The following BMX variants were observed in gnomAD, a reference collection of about 807,000 sequenced individuals.
BMX encodes the protein BMX non-receptor tyrosine kinase, also known as cytoplasmic tyrosine-protein kinase BMX.
Under a neutral mutation model 59.2 loss-of-function variants are expected in BMX, and 31 were observed. The ratio of observed to expected loss-of-function variants is 0.52; its 90% CI spans 0.39 to 0.71. The LOEUF is 0.71. Among genes scored for constraint, BMX ranks in the 30% least tolerant of loss-of-function variants. The pLI, the probability that BMX is intolerant of heterozygous loss-of-function variation, is 0.00. For synonymous variants in BMX, 185 were observed against 181.0 expected (o/e 1.02, Z -0.18); for missense variants, 474 against 491.7 (o/e 0.96, Z 0.34).
chrX:15,549,025 T>C (rs967092386), intron 17 of BMX, among the ~76,000 whole-genome samples: 5 of 111,338 alleles, frequency 4.5e-5, no homozygotes, highest in African/African-American at 1.6e-4. Flanking sequence ...CCCCATTTTA[T>C]AGACGGAGAA....
intron 1 of BMX, among the ~76,000 whole-genome samples, chrX:15,504,962 G>A (rs1923688533): frequency 8.9e-6 from 1 of 112,090 alleles, no homozygotes; most frequent in Admixed American, 9.5e-5. Context: ...TACTATAAAA[G>A]GTTTTTTGTT....
chrX:15,540,358 A>G lies in BMX; in HGVS notation c.1395-1624A>G, dbSNP rs887803894. 4.6e-5 allele frequency among the ~76,000 whole-genome samples: 5 copies of G among 108,458 alleles called. No homozygotes were observed. In the East Asian group the frequency reaches 1.5e-3, roughly 32 times the overall value. 94.2% of individuals were successfully genotyped at this position (108,458 alleles called of 115,157 possible). Reference sequence around the variant, plus strand: ...AGAAAACCGAACACCGCATGTTCTCACTCATAAGTGGAAGTTGAACAATGA... The same window carrying G: ...AGAAAACCGAACACCGCATGTTCTCGCTCATAAGTGGAAGTTGAACAATGA... On this transcript the variant is annotated intron_variant, in intron 14 of 18. Transcript: ENST00000348343.
intron 4 of BMX, among the ~76,000 whole-genome samples, chrX:15,513,106 T>G (rs1263009395): frequency 8.9e-6 from 1 of 112,541 alleles, no homozygotes; most frequent in Non-Finnish European, 1.9e-5. Flanking sequence ...TGTTTTGGGC[T>G]GCAGGTAAAA....
rs188971354 is a variant in BMX, at chrX:15,524,476, A to G, written c.753-812A>G. Among the ~76,000 whole-genome samples the G allele has an allele frequency of 3.9e-3, 436 of 112,566 alleles. 1 individual carries two copies. Among genetic ancestry groups the G allele is most frequent in the African/African-American group, 0.013 (413 of 31,017 alleles). ...GTCTGTAAGTACCAGTTGTATAGAT[A>G]CTAGGTAAACCTAAGTGATGCACTA... is the stretch of plus-strand genomic sequence containing the variant. On this transcript the variant is annotated intron_variant, in intron 7 of 18. Coordinates refer to ENST00000348343, the MANE Select transcript of BMX (RefSeq NM_203281.3).
At chrX:15,552,707 G>A (rs181359188) in intron 18 of BMX, among the ~76,000 whole-genome samples, 40 of 112,300 alleles carry the variant, frequency 3.6e-4, no homozygotes, top group Non-Finnish European at 4.9e-4. Context: ...AAAACTGGTA[G>A]GAGCTATGGT....
chrX:15,537,340 C>G, intron 14 of BMX, 35 bp downstream of exon 14: 1 of 1,201,446 alleles, frequency 8.3e-7, no homozygotes, highest in East Asian at 3.0e-5. Flanking sequence ...GTTTAGCCCT[C>G]ATCATGGGAG....
At chrX:15,540,752 T>G (rs958929771) in intron 14 of BMX, among the ~76,000 whole-genome samples, 4 of 111,447 alleles carry the variant, frequency 3.6e-5, no homozygotes, top group Non-Finnish European at 5.6e-5. Context: ...ACTACACTAC[T>G]GCACTGTTTG....
rs765391149 is a variant in BMX, at chrX:15,522,480, A to G, written c.645A>G (p.Gln215=). 5.2e-5 allele frequency: 63 copies of G among 1,211,039 alleles called. No individual in the cohort carries two copies. Among genetic ancestry groups the G allele is most frequent in the Non-Finnish European group, 7.0e-5 (63 of 895,453 alleles). The part of the protein sequence containing the change: ...QPPSSSTSLA[Q]YDSNSKKIYG... ...CATCTTCAAGTACCAGTCTAGCGCA[A>G]TATGACAGCAACTCAAAGAAAATCT... The change falls in exon 7 of 19, where the codon CAA becomes CAG. Residue 215 remains glutamine (Q), a synonymous_variant. Transcript: ENST00000348343.
intron 1 of BMX, chrX:15,507,314 A>G (rs1457692530): frequency 2.7e-6 from 2 of 752,400 alleles, no homozygotes; most frequent in Non-Finnish European, 3.1e-6. Context: ...CAGAGGGAAT[A>G]TGAGTGATGG....
intron 2 of BMX, among the ~76,000 whole-genome samples, chrX:15,508,894 A>G (rs758314230): frequency 9.3e-4 from 104 of 111,873 alleles, no homozygotes; most frequent in Non-Finnish European, 1.8e-3. Context: ...CCTCACAACA[A>G]AGAATTACCC....
At chrX:15,501,134 C>T (rs1457462650) in intron 1 of BMX, among the ~76,000 whole-genome samples, 194 bp downstream of exon 1, 2 of 111,938 alleles carry the variant, frequency 1.8e-5, no homozygotes, top group Admixed American at 9.5e-5. Context: ...TGGAGGCCAA[C>T]GGCTGAAACT....
chrX:15,522,634 C>G (rs1156623859), intron 7 of BMX, 47 bp downstream of exon 7: 1 of 1,193,470 alleles, frequency 8.4e-7, no homozygotes, highest in Non-Finnish European at 1.1e-6. Flanking sequence ...AGAGTAAACA[C>G]TACCCCGGCT....
intron 6 of BMX, among the ~76,000 whole-genome samples, chrX:15,521,230 G>C (rs1569222389): frequency 8.9e-6 from 1 of 111,781 alleles, no homozygotes; most frequent in African/African-American, 3.3e-5. Flanking sequence ...CCCTCCAAAA[G>C]TAGTTGCTAA....
At chrX:15,527,283 T>TATATATATATATATATATATATAC (rs1285065649) in intron 9 of BMX, among the ~76,000 whole-genome samples, 1 of 65,867 alleles carries the variant, frequency 1.5e-5, no homozygotes, top group Non-Finnish European at 2.7e-5. Context: ...TATATATATA[T>TATATATATATATATATATATATAC]ACACACACAC....
intron 18 of BMX, among the ~76,000 whole-genome samples, chrX:15,551,525 G>T (rs1401341081): frequency 5.4e-5 from 3 of 55,942 alleles, no homozygotes; most frequent in Admixed American, 5.3e-4. Flanking sequence ...TTGTGTGTGT[G>T]TGTGTATATA....
Position 15,544,835 on chromosome X carries a change from C to T in BMX, c.1676+1700C>T, listed in dbSNP as rs191501923. Among the ~76,000 whole-genome samples the T allele has an allele frequency of 2.4e-3, 272 of 111,049 alleles. 2 individuals carry two copies. Among genetic ancestry groups the T allele is most frequent in the Admixed American group, 0.024 (246 of 10,416 alleles). ...AGTATGGAATGTACTGTATGTAATC[C>T]TATGAAAGTGTAGTTTATTAATATT... On this transcript the variant is annotated intron_variant, in intron 16 of 18. Transcript: ENST00000348343.
chrX:15,508,321 A>G, intron 1 of BMX, 24 bp from the exon 2 acceptor site: 1 of 1,045,999 alleles, frequency 9.6e-7, no homozygotes, highest in Non-Finnish European at 1.3e-6. Context: ...GCAAATACTC[A>G]TTTTAATTAT....
rs200706735 is a variant in BMX at position 15,551,515 on chromosome X, T to TTG, written c.1953+1532_1953+1533dup. On this transcript the variant is annotated intron_variant, in intron 18 of 18. Coordinates refer to ENST00000348343, the MANE Select transcript of BMX (RefSeq NM_203281.3). Reference sequence around the variant, plus strand: ...CAGTGCTGTTTTTCTGTTATTAATATTGTGTGTGTGTGTGTATATATATAT... The same window carrying TTG: ...CAGTGCTGTTTTTCTGTTATTAATATTGTGTGTGTGTGTGTGTATATATATAT... Among the ~76,000 whole-genome samples, 421 of 90,114 alleles carry TTG rather than the reference T, an allele frequency of 4.7e-3. 3 individuals are homozygous for TTG. Among genetic ancestry groups the TTG allele is most frequent in the East Asian group, 0.015 (39 of 2,577 alleles). 78.3% of individuals were successfully genotyped at this position (90,114 alleles called of 115,157 possible). A position where few individuals can be genotyped will look rare whatever the true frequency, so the allele number is the denominator to read the frequency against.
chrX:15,517,870 A>T lies in BMX; in HGVS notation c.446-59A>T. 3.1e-6 allele frequency: 3 copies of T among 972,504 alleles called. No homozygotes were observed. The East Asian group carries it at 9.2e-5, about 30-fold the overall frequency. The allele number at this position is 972,504 out of a possible 1,213,427, so 80.1% of individuals were successfully genotyped here. ...TTCATTCTTTTAATTCATAACATTG[A>T]GTGTTTCTCTTTGTTTTGTTTAAAG... On this transcript the variant is annotated intron_variant, in intron 5 of 18. Coordinates refer to ENST00000348343, the MANE Select transcript of BMX (RefSeq NM_203281.3).
Sources: allele counts gnomAD v4.1 joint callset (sites outside exome capture counted in the v4.1 genomes callset), GRCh38; gene constraint gnomAD v4.1.1; transcripts MANE v1.5; gene names NCBI Gene and HGNC (gene_info 2026-07-23, HGNC 2026-07-21).